ROBO1: variants seen among roughly 807,000 people sequenced by gnomAD.
ROBO1 encodes roundabout homolog 1.
ROBO1 carries 149 observed loss-of-function variants against 195.9 expected under a neutral mutation model. That is an observed-to-expected ratio of 0.76 (90% CI 0.67 to 0.87). The LOEUF (loss-of-function observed/expected upper bound fraction) is 0.87, where lower values mean the gene tolerates loss of function less well. Among genes scored for constraint, ROBO1 ranks in the 40% least tolerant of loss-of-function variants. The pLI, the probability that ROBO1 is intolerant of heterozygous loss-of-function variation, is 0.00. For missense variants in ROBO1, 1,933 were observed against 2,068.3 expected (o/e 0.93, Z 1.27); for synonymous variants, 816 against 733.2 (o/e 1.11, Z -1.82).
intron 4 of ROBO1, among the ~76,000 whole-genome samples, chr3:78,831,488 T>C (rs930967676): frequency 5.9e-5 from 9 of 152,176 alleles, no homozygotes; most frequent in South Asian, 2.1e-4. Flanking sequence ...TCTCTGTGTC[T>C]CCTACTGCAT....
chr3:78,642,059 C>CT lies in ROBO1; in HGVS notation c.2883-2162dup, dbSNP rs200527405. Among the ~76,000 whole-genome samples the CT allele has an allele frequency of 8.8e-3, 1,340 of 151,950 alleles. 23 individuals are homozygous for CT. The highest frequency in any genetic ancestry group is 0.031 in the African/African-American group (1,275 of 41,436). ...CCTACTCTAATAAGGGTTCTAAGGTCTTTTTTTAAACAATTTCCCAGGCTA... is the reference window on the plus strand; with the variant it reads ...CCTACTCTAATAAGGGTTCTAAGGTCTTTTTTTTAAACAATTTCCCAGGCTA... On this transcript the variant is annotated intron_variant, in intron 21 of 30. Coordinates refer to ENST00000464233, the MANE Select transcript of ROBO1 (RefSeq NM_002941.4).
Position 79,730,648 on chromosome 3 carries a change from T to A in ROBO1, c.-51+37104A>T, listed in dbSNP as rs555228123. Among the ~76,000 whole-genome samples the A allele has an allele frequency of 2.9e-4, 44 of 151,862 alleles. 1 individual carries two copies. Among genetic ancestry groups the A allele is most frequent in the African/African-American group, 9.9e-4 (41 of 41,432 alleles). On this transcript the variant is annotated intron_variant, in intron 1 of 30. Coordinates refer to ENST00000464233, the MANE Select transcript of ROBO1 (RefSeq NM_002941.4). ...TCATTTCATTTCATTAGACTTAATA[T>A]AAAAACATCAGATCTCTAACATCTG...
At chr3:78,814,259 A>T (rs2084832813) in intron 4 of ROBO1, among the ~76,000 whole-genome samples, 1 of 152,256 alleles carries the variant, frequency 6.6e-6, no homozygotes, top group Non-Finnish European at 1.5e-5. Context: ...TATGCAATTT[A>T]AAATTTTTCT....
intron 4 of ROBO1, among the ~76,000 whole-genome samples, chr3:78,760,324 G>T (rs987217831): frequency 1.3e-5 from 2 of 152,056 alleles, no homozygotes; most frequent in Non-Finnish European, 2.9e-5. Context: ...AGGTACCCTG[G>T]TAAAAACACA....
At chr3:79,108,875 T>C (rs1037483001) in intron 3 of ROBO1, among the ~76,000 whole-genome samples, 2 of 151,946 alleles carry the variant, frequency 1.3e-5, no homozygotes, top group African/African-American at 4.8e-5. Context: ...CTAAATTGCA[T>C]TTGAAAAGAA....
chr3:79,590,979 G>A (rs1943981745), intron 1 of ROBO1, among the ~76,000 whole-genome samples: 1 of 151,672 alleles, frequency 6.6e-6, no homozygotes, highest in Non-Finnish European at 1.5e-5. Context: ...AGTAATGCAG[G>A]TAATGAGGAG....
chr3:79,489,438 G>A (rs1367149634), intron 2 of ROBO1, among the ~76,000 whole-genome samples: 2 of 151,944 alleles, frequency 1.3e-5, no homozygotes, highest in African/African-American at 4.8e-5. Flanking sequence ...GGCGGATCAC[G>A]AGGTCAAGAG....
intron 3 of ROBO1, among the ~76,000 whole-genome samples, chr3:78,944,781 G>C (rs1326917852): frequency 6.6e-6 from 1 of 152,194 alleles, no homozygotes; most frequent in Non-Finnish European, 1.5e-5. Flanking sequence ...AGGGGTGACA[G>C]ATGGCACCTG....
intron 2 of ROBO1, among the ~76,000 whole-genome samples, chr3:79,244,709 A>G (rs754066456): frequency 3.3e-5 from 5 of 152,082 alleles, no homozygotes; most frequent in Non-Finnish European, 7.4e-5. Flanking sequence ...CTATATATAA[A>G]TCCAAGCAAC....
chr3:79,095,461 C>T (rs1173214142), intron 3 of ROBO1, among the ~76,000 whole-genome samples: 2 of 152,034 alleles, frequency 1.3e-5, no homozygotes, highest in African/African-American at 2.4e-5. Flanking sequence ...CGACCAGCCA[C>T]TGGTGACTAG....
intron 4 of ROBO1, among the ~76,000 whole-genome samples, chr3:78,750,001 C>T (rs1308271172): frequency 1.3e-5 from 2 of 152,072 alleles, no homozygotes; most frequent in Admixed American, 1.3e-4. Context: ...AAGATTGTAA[C>T]AATATAATGT....
intron 4 of ROBO1, among the ~76,000 whole-genome samples, chr3:78,797,778 A>G (rs1182267232): frequency 6.6e-6 from 1 of 152,202 alleles, no homozygotes; most frequent in Non-Finnish European, 1.5e-5. Flanking sequence ...GACAAATTAT[A>G]ACCATAGCTT....
intron 2 of ROBO1, among the ~76,000 whole-genome samples, chr3:79,431,884 C>T (rs1260509531): frequency 6.6e-6 from 1 of 151,896 alleles, no homozygotes; most frequent in Non-Finnish European, 1.5e-5. Flanking sequence ...ATGCAATTAC[C>T]AAATCACTCA....
intron 4 of ROBO1, among the ~76,000 whole-genome samples, chr3:78,804,584 C>T (rs1165087224): frequency 4.6e-5 from 7 of 151,996 alleles, no homozygotes; most frequent in Non-Finnish European, 8.8e-5. Context: ...TCATCCCCCA[C>T]TTCTTTTTAC....
chr3:79,458,026 A>G (rs2039679354), intron 2 of ROBO1, among the ~76,000 whole-genome samples: 1 of 152,138 alleles, frequency 6.6e-6, no homozygotes, highest in Non-Finnish European at 1.5e-5. Flanking sequence ...CCAATTCCAC[A>G]TGAAGGAAAG....
intron 2 of ROBO1, among the ~76,000 whole-genome samples, chr3:79,411,249 C>G (rs1031127040): frequency 6.6e-6 from 1 of 152,236 alleles, no homozygotes; most frequent in Admixed American, 6.5e-5. Context: ...AGGCAAACAA[C>G]AAATTCATAA....
intron 3 of ROBO1, among the ~76,000 whole-genome samples, chr3:79,060,253 C>A (rs2078891522): frequency 6.6e-6 from 1 of 151,900 alleles, no homozygotes; most frequent in African/African-American, 2.4e-5. Context: ...AATGTGTGCC[C>A]AGCAGGACAT....
intron 3 of ROBO1, among the ~76,000 whole-genome samples, chr3:79,067,638 T>G (rs1169314220): frequency 1.7e-4 from 2 of 11,930 alleles, no homozygotes; most frequent in African/African-American, 1.8e-4. Context: ...TGTTTTCAAC[T>G]TGTTTCAGGG....
chr3:79,390,072 G>T (rs886873366), intron 2 of ROBO1, among the ~76,000 whole-genome samples: 1 of 152,088 alleles, frequency 6.6e-6, no homozygotes, highest in Non-Finnish European at 1.5e-5. Flanking sequence ...TGATAGATTT[G>T]ATGGGAGAGA....
Sources: gnomAD v4.1 joint callset for allele counts (sites outside exome capture counted in the v4.1 genomes callset) on GRCh38, gnomAD v4.1.1 for gene constraint, MANE v1.5 for transcripts, NCBI Gene and HGNC (gene_info 2026-07-23, HGNC 2026-07-21) for gene names.